HSD17B12: variants seen among roughly 807,000 people sequenced by gnomAD.
HSD17B12 encodes hydroxysteroid 17-beta dehydrogenase 12, also known as very-long-chain 3-oxoacyl-CoA reductase.
A neutral mutation model predicts 39.3 loss-of-function variants in HSD17B12; 32 were observed. The ratio of observed to expected loss-of-function variants is 0.81; its 90% CI spans 0.61 to 1.09. The LOEUF (loss-of-function observed/expected upper bound fraction) is 1.09, where lower values mean the gene tolerates loss of function less well. HSD17B12 is among the 50% of genes least tolerant of loss of function. The pLI is 0.00. For missense variants in HSD17B12, 342 were observed against 382.9 expected (o/e 0.89, Z 0.89); for synonymous variants, 150 against 146.7 (o/e 1.02, Z -0.16).
chr11:43,756,337 C>A (rs913995807), intron 3 of HSD17B12, among the ~76,000 whole-genome samples: 1 of 151,728 alleles, frequency 6.6e-6, no homozygotes, highest in African/African-American at 2.4e-5. Flanking sequence ...TTCAAGATTT[C>A]AGCTATGTAA....
chr11:43,588,005 A>G, the HSD17B12 span, among the ~76,000 whole-genome samples: 1 of 152,228 alleles, frequency 6.6e-6, no homozygotes, highest in African/African-American at 2.4e-5. Flanking sequence ...TGAAGGAGAA[A>G]TTGGGAGGCT....
the HSD17B12 span, among the ~76,000 whole-genome samples, chr11:43,604,438 T>C: frequency 1.3e-5 from 2 of 152,250 alleles, no homozygotes; most frequent in Non-Finnish European, 2.9e-5. Context: ...ATTTTGTCAA[T>C]GTAGACCTAT....
chr11:43,812,996 C>T (rs536863007), intron 4 of HSD17B12, among the ~76,000 whole-genome samples: 1 of 152,212 alleles, frequency 6.6e-6, no homozygotes, highest in Non-Finnish European at 1.5e-5. Flanking sequence ...CACGTGCCAT[C>T]GTGCCTGGCT....
At chr11:43,663,826 A>G in the HSD17B12 span, among the ~76,000 whole-genome samples, 3 of 151,962 alleles carry the variant, frequency 2.0e-5, no homozygotes, top group African/African-American at 7.2e-5. Context: ...AGTGGCTTAC[A>G]GGTAAGGGTT....
intron 1 of HSD17B12, among the ~76,000 whole-genome samples, chr11:43,708,850 C>G (rs1950038900): frequency 6.6e-6 from 1 of 152,214 alleles, no homozygotes; most frequent in South Asian, 2.1e-4. Context: ...AAATTAAATT[C>G]CAAAATATTA....
chr11:43,568,065 G>T, the HSD17B12 span, among the ~76,000 whole-genome samples: 1 of 152,038 alleles, frequency 6.6e-6, no homozygotes. Context: ...TAGAATCTCA[G>T]CCCTGTTTGT....
At chr11:43,728,236 T>C (rs1256710815) in intron 1 of HSD17B12, among the ~76,000 whole-genome samples, 3 of 152,088 alleles carry the variant, frequency 2.0e-5, no homozygotes, top group African/African-American at 7.2e-5. Flanking sequence ...CAGCTAATTT[T>C]TGTATTTTTA....
intron 1 of HSD17B12, among the ~76,000 whole-genome samples, chr11:43,690,388 A>ATTTTTTTTTT (rs1232125962): frequency 1.7e-4 from 2 of 11,784 alleles, no homozygotes; most frequent in African/African-American, 5.4e-4. Context: ...ATATATATAT[A>ATTTTTTTTTT]TATATATATA....
chr11:43,744,410 T>A (rs1950395638), intron 1 of HSD17B12, among the ~76,000 whole-genome samples: 1 of 152,186 alleles, frequency 6.6e-6, no homozygotes, highest in Non-Finnish European at 1.5e-5. Flanking sequence ...GGTGAAACAT[T>A]TTAAAATGAT....
chr11:43,817,637 A>G (rs548425546), intron 6 of HSD17B12, among the ~76,000 whole-genome samples: 1 of 151,798 alleles, frequency 6.6e-6, no homozygotes, highest in Non-Finnish European at 1.5e-5. Flanking sequence ...TGTTTGTTTT[A>G]TTGAAGATCA....
the HSD17B12 span, among the ~76,000 whole-genome samples, chr11:43,614,966 T>C: frequency 6.6e-6 from 1 of 152,170 alleles, no homozygotes; most frequent in Non-Finnish European, 1.5e-5. Context: ...TTGCTTTTTC[T>C]CCCCTTGGTT....
At chr11:43,713,697 G>A (rs186260712) in intron 1 of HSD17B12, among the ~76,000 whole-genome samples, 4,791 of 152,164 alleles carry the variant, frequency 0.031, 99 homozygotes, top group Non-Finnish European at 0.047. Flanking sequence ...CTGAGGAATC[G>A]CCACACTGTC....
chr11:43,674,634 C>T, the HSD17B12 span, among the ~76,000 whole-genome samples: 1 of 152,190 alleles, frequency 6.6e-6, no homozygotes, highest in South Asian at 2.1e-4. Context: ...AATTCCATTT[C>T]CAAAGTACAT....
intron 1 of HSD17B12, among the ~76,000 whole-genome samples, chr11:43,718,306 C>T (rs944801811): frequency 6.6e-6 from 1 of 152,220 alleles, no homozygotes; most frequent in Non-Finnish European, 1.5e-5. Context: ...ATTTCTTCCA[C>T]GTGCAGAATA....
At chr11:43,680,514 C>T, upstream of HSD17B12, 1 of 415,478 alleles carries the variant, frequency 2.4e-6, no homozygotes, top group South Asian at 2.4e-5. Context: ...CGGCTGCAGC[C>T]AATGAGAGAC....
chr11:43,582,067 C>G, the HSD17B12 span, among the ~76,000 whole-genome samples: 1 of 152,200 alleles, frequency 6.6e-6, no homozygotes, highest in African/African-American at 2.4e-5. Flanking sequence ...ACCCAGGCAC[C>G]GCCCGATCCC....
intron 1 of HSD17B12, among the ~76,000 whole-genome samples, chr11:43,734,824 G>C (rs1041684009): frequency 6.6e-6 from 1 of 152,106 alleles, no homozygotes; most frequent in Admixed American, 6.5e-5. Flanking sequence ...ACGATTCAGG[G>C]GGCTTTAGTA....
chr11:43,572,865 A>G, the HSD17B12 span, among the ~76,000 whole-genome samples: 1 of 152,162 alleles, frequency 6.6e-6, no homozygotes, highest in Non-Finnish European at 1.5e-5. Context: ...TCCTTTTCCT[A>G]GACTTCCTCC....
At chr11:43,799,935 C>A (rs544344328) in intron 4 of HSD17B12, among the ~76,000 whole-genome samples, 1 of 152,300 alleles carries the variant, frequency 6.6e-6, no homozygotes, top group South Asian at 2.1e-4. Flanking sequence ...ACCGACACCA[C>A]TACTCCCTCA....
Sources: allele counts gnomAD v4.1 joint callset (sites outside exome capture counted in the v4.1 genomes callset), GRCh38; gene constraint gnomAD v4.1.1; transcripts MANE v1.5; gene names NCBI Gene and HGNC (gene_info 2026-07-23, HGNC 2026-07-21).